Variants in NKAIN2 observed in about 807,000 individuals in gnomAD.
NKAIN2 encodes sodium/potassium-transporting ATPase subunit beta-1-interacting protein 2.
NKAIN2 carries 14 observed loss-of-function variants against 32.6 expected under a neutral mutation model. The ratio of observed to expected loss-of-function variants is 0.43; its 90% confidence interval spans 0.28 to 0.67. NKAIN2 has a LOEUF of 0.67. NKAIN2 is among the 30% of genes least tolerant of loss of function. NKAIN2 has a pLI of 0.17. For missense variants in NKAIN2, 198 were observed against 258.3 expected (o/e 0.77, Z 1.60); for synonymous variants, 80 against 87.2 (o/e 0.92, Z 0.46).
At chr6:123,864,790 C>T (rs1054554949) in intron 1 of NKAIN2, among the ~76,000 whole-genome samples, 1 of 152,072 alleles carries the variant, frequency 6.6e-6, no homozygotes, top group African/African-American at 2.4e-5. Flanking sequence ...TTCAAGTGTT[C>T]TATATTTGCC....
At chr6:124,629,084 C>A (rs1783464608) in intron 3 of NKAIN2, among the ~76,000 whole-genome samples, 2 of 152,034 alleles carry the variant, frequency 1.3e-5, no homozygotes, top group South Asian at 4.2e-4. Flanking sequence ...AAGAGAAAAG[C>A]AGGAGGTATA....
At chr6:124,092,637 T>G (rs1000490530) in intron 1 of NKAIN2, among the ~76,000 whole-genome samples, 2 of 152,050 alleles carry the variant, frequency 1.3e-5, no homozygotes, top group Non-Finnish European at 2.9e-5. Context: ...AATTAACCTC[T>G]TTTGGTTTCA....
chr6:124,735,285 G>T (rs945876046), intron 4 of NKAIN2, among the ~76,000 whole-genome samples: 1 of 151,684 alleles, frequency 6.6e-6, no homozygotes, highest in African/African-American at 2.4e-5. Context: ...GCCAAGGTGG[G>T]TATATTATAT....
At chr6:124,318,650 A>C (rs1797056381) in intron 2 of NKAIN2, among the ~76,000 whole-genome samples, 1 of 152,062 alleles carries the variant, frequency 6.6e-6, no homozygotes, top group Non-Finnish European at 1.5e-5. Context: ...TTAACTGAGA[A>C]TCTGAATACC....
intron 3 of NKAIN2, among the ~76,000 whole-genome samples, chr6:124,505,858 A>G (rs1778455001): frequency 1.3e-5 from 2 of 152,082 alleles, no homozygotes; most frequent in South Asian, 4.2e-4. Context: ...CTCTAATGAC[A>G]GACTTAGTGA....
chr6:124,770,621 CTTAT>C (rs929675323), intron 4 of NKAIN2, among the ~76,000 whole-genome samples: 2 of 152,066 alleles, frequency 1.3e-5, no homozygotes, highest in Non-Finnish European at 2.9e-5. Context: ...ACTCTATTCT[CTTAT>C]TTTAGTTTTT....
intron 3 of NKAIN2, among the ~76,000 whole-genome samples, chr6:124,413,458 G>A (rs1174796098): frequency 6.6e-6 from 1 of 152,020 alleles, no homozygotes; most frequent in East Asian, 1.9e-4. Context: ...ATTGATTTCT[G>A]TAACTTTTTA....
chr6:124,459,075 A>T (rs1776429578), intron 3 of NKAIN2, among the ~76,000 whole-genome samples: 2 of 151,876 alleles, frequency 1.3e-5, no homozygotes, highest in Non-Finnish European at 2.9e-5. Flanking sequence ...GGCAAGTATA[A>T]TGTGGGTACG....
chr6:124,336,398 T>C lies in NKAIN2; in HGVS notation c.193-18869T>C, dbSNP rs78830542. On this transcript the variant is annotated intron_variant, in intron 2 of 6. Transcript: ENST00000368417. ...TGTGCCTCTCTAGGAAGAGTTTTCC[T>C]TCCTGGAAGAACAGAGTGTTATACA... is the stretch of plus-strand genomic sequence containing the variant. Among the ~76,000 whole-genome samples, 953 of 152,278 alleles carry C rather than the reference T, an allele frequency of 6.3e-3. 10 individuals carry two copies. Among genetic ancestry groups the C allele is most frequent in the African/African-American group, 0.022 (927 of 41,554 alleles).
intron 1 of NKAIN2, among the ~76,000 whole-genome samples, chr6:123,878,254 T>A (rs1282441296): frequency 6.6e-6 from 1 of 152,152 alleles, no homozygotes; most frequent in Non-Finnish European, 1.5e-5. Context: ...TTATCCAGAT[T>A]TTCTAGAAAA....
chr6:124,648,009 G>A (rs1756267771), intron 3 of NKAIN2, among the ~76,000 whole-genome samples: 1 of 152,160 alleles, frequency 6.6e-6, no homozygotes, highest in African/African-American at 2.4e-5. Context: ...AACTACTGTA[G>A]TAGGGAAGAG....
At chr6:124,294,701 C>A (rs1325214946) in intron 2 of NKAIN2, among the ~76,000 whole-genome samples, 1 of 152,074 alleles carries the variant, frequency 6.6e-6, no homozygotes, top group African/African-American at 2.4e-5. Context: ...GATTGCCCAG[C>A]TGACTCTTTA....
chr6:124,661,307 C>T (rs1042390375), intron 4 of NKAIN2, among the ~76,000 whole-genome samples: 19 of 152,304 alleles, frequency 1.2e-4, no homozygotes, highest in African/African-American at 4.1e-4. Flanking sequence ...TGAAACTGCC[C>T]TCTCTTCCAG....
At chr6:123,808,227 AT>A (rs1410190745) in intron 1 of NKAIN2, among the ~76,000 whole-genome samples, 1 of 152,150 alleles carries the variant, frequency 6.6e-6, no homozygotes, top group Non-Finnish European at 1.5e-5. Context: ...TCAGAAGTTT[AT>A]AACTTTATCT....
At chr6:124,195,507 A>T (rs1790271904) in intron 1 of NKAIN2, among the ~76,000 whole-genome samples, 1 of 152,050 alleles carries the variant, frequency 6.6e-6, no homozygotes, top group African/African-American at 2.4e-5. Flanking sequence ...ATTCATATAT[A>T]TTTTTTGAAA....
intron 1 of NKAIN2, among the ~76,000 whole-genome samples, chr6:124,040,510 T>C (rs925848872): frequency 6.6e-6 from 1 of 152,022 alleles, no homozygotes; most frequent in Non-Finnish European, 1.5e-5. Context: ...ACCTCAGATA[T>C]GACTATTTTG....
intron 1 of NKAIN2, among the ~76,000 whole-genome samples, chr6:123,962,490 CTT>C (rs1777891970): frequency 6.6e-6 from 1 of 152,180 alleles, no homozygotes; most frequent in Admixed American, 6.5e-5. Context: ...GCTGATGCCT[CTT>C]TGAGCTACGA....
chr6:124,678,597 A>G (rs1435568883), intron 4 of NKAIN2, among the ~76,000 whole-genome samples: 3 of 152,102 alleles, frequency 2.0e-5, no homozygotes, highest in South Asian at 4.1e-4. Flanking sequence ...TTTGTTAATA[A>G]TCTCATTTTG....
chr6:124,178,423 G>C (rs948544065), intron 1 of NKAIN2, among the ~76,000 whole-genome samples: 1 of 150,960 alleles, frequency 6.6e-6, no homozygotes, highest in Non-Finnish European at 1.5e-5. Context: ...TCAGCTTCCC[G>C]AGTAGCTGGG....
Sources: allele counts gnomAD v4.1 joint callset (sites outside exome capture counted in the v4.1 genomes callset), GRCh38; gene constraint gnomAD v4.1.1; transcripts MANE v1.5; gene names NCBI Gene and HGNC (gene_info 2026-07-23, HGNC 2026-07-21).